The following CFAP47 variants were observed in gnomAD, a reference collection of about 807,000 sequenced individuals.
The protein encoded by CFAP47 is cilia- and flagella-associated protein 47.
CFAP47 carries 29 observed loss-of-function variants against 148.1 expected under a neutral mutation model. The observed-to-expected ratio is 0.20, with a 90% CI of 0.15 to 0.27. The LOEUF is 0.27. Ranked by LOEUF, CFAP47 falls within the 10% of genes least tolerant of loss-of-function variation. The pLI is 1.00. For synonymous variants in CFAP47, 664 were observed against 577.3 expected (o/e 1.15, Z -2.15); for missense variants, 1,872 against 1,697.5 (o/e 1.10, Z -1.81).
At chrX:35,966,822 A>G in intron 9 of CFAP47, 68 bp downstream of exon 9, 1 of 808,035 alleles carries the variant, frequency 1.2e-6, no homozygotes, top group Non-Finnish European at 1.7e-6. Flanking sequence ...ATTTTAATAT[A>G]CTAATTGCTT....
At position 36,180,269 on chromosome X, in the gene CFAP47, A is replaced by G. The variant is rs754882770; in HGVS notation, c.6104+847A>G. On this transcript the variant is annotated intron_variant, in intron 40 of 63. Coordinates refer to ENST00000378653, the MANE Select transcript of CFAP47 (RefSeq NM_001304548.2). Reference sequence around the variant, plus strand: ...GATTTTTAAAAAAATTGATTGTTTTATGTTGCTCCTCTGTTTTACACTATA... The same window carrying G: ...GATTTTTAAAAAAATTGATTGTTTTGTGTTGCTCCTCTGTTTTACACTATA... 4.6e-3 allele frequency among the ~76,000 whole-genome samples: 508 copies of G among 111,451 alleles called. 4 individuals carry two copies. Among genetic ancestry groups the G allele is most frequent in the African/African-American group, 0.015 (461 of 30,772 alleles).
At chrX:36,055,036 TGCTGGGATTACA>T (rs1343337612) in intron 26 of CFAP47, among the ~76,000 whole-genome samples, 1 of 102,588 alleles carries the variant, frequency 9.7e-6, no homozygotes, top group African/African-American at 3.5e-5. Flanking sequence ...CCTCCCAAAG[TGCTGGGATTACA>T]GGTGGGATTA....
intron 32 of CFAP47, among the ~76,000 whole-genome samples, chrX:36,100,162 A>G (rs972066439): frequency 9.0e-6 from 1 of 111,477 alleles, no homozygotes; most frequent in African/African-American, 3.3e-5. Context: ...CCTTTTAAGG[A>G]TGTGACCTGT....
intron 49 of CFAP47, among the ~76,000 whole-genome samples, chrX:36,270,353 A>G (rs1484947287): frequency 2.7e-5 from 3 of 110,613 alleles, no homozygotes; most frequent in Non-Finnish European, 5.7e-5. Context: ...AATTTTAACT[A>G]TTTAAATTTG....
At chrX:36,377,900 G>A (rs113711766) in intron 62 of CFAP47, among the ~76,000 whole-genome samples, 1 of 111,964 alleles carries the variant, frequency 8.9e-6, no homozygotes, top group Non-Finnish European at 1.9e-5. Flanking sequence ...CAACACTAAA[G>A]TAGGGAAAAG....
intron 22 of CFAP47, among the ~76,000 whole-genome samples, chrX:36,017,555 A>T (rs192658908): frequency 1.8e-5 from 2 of 111,525 alleles, no homozygotes; most frequent in African/African-American, 3.3e-5. Context: ...TTTTTATTTT[A>T]TTTTTGTATA....
intron 49 of CFAP47, among the ~76,000 whole-genome samples, chrX:36,253,151 G>C (rs1000908641): frequency 8.9e-6 from 1 of 111,867 alleles, no homozygotes; most frequent in African/African-American, 3.2e-5. Flanking sequence ...GAAAAAATTT[G>C]GAACATATTT....
intron 59 of CFAP47, among the ~76,000 whole-genome samples, chrX:36,351,048 TC>T (rs782515551): frequency 1.8e-5 from 2 of 112,062 alleles, no homozygotes; most frequent in South Asian, 7.3e-4. Flanking sequence ...GAGTTAGACT[TC>T]CACTGATGTA....
chrX:36,023,053 G>A (rs1163171316), intron 22 of CFAP47, among the ~76,000 whole-genome samples: 2 of 111,865 alleles, frequency 1.8e-5, no homozygotes, highest in Non-Finnish European at 3.8e-5. Context: ...GCATTCAAGA[G>A]TTATGTAGTT....
intron 29 of CFAP47, among the ~76,000 whole-genome samples, chrX:36,080,815 G>A (rs1423066356): frequency 2.7e-5 from 3 of 111,283 alleles, no homozygotes; most frequent in Non-Finnish European, 5.7e-5. Flanking sequence ...AGCATTAGGA[G>A]AAATATCTAA....
At chrX:36,192,731 G>T (rs1939879038) in intron 42 of CFAP47, among the ~76,000 whole-genome samples, 1 of 111,604 alleles carries the variant, frequency 9.0e-6, no homozygotes, top group African/African-American at 3.3e-5. Context: ...TTATCTTCTG[G>T]CCTTTTTTGT....
intron 32 of CFAP47, among the ~76,000 whole-genome samples, chrX:36,103,439 G>C: frequency 1.0e-5 from 1 of 96,609 alleles, no homozygotes; most frequent in Admixed American, 1.2e-4. Context: ...CCGTTGCTGG[G>C]GTCATTATCT....
At chrX:36,152,732 C>A (rs59054266) in intron 37 of CFAP47, among the ~76,000 whole-genome samples, 5,683 of 111,299 alleles carry the variant, frequency 0.051, 402 homozygotes, top group African/African-American at 0.17. Context: ...TTAATTGGAA[C>A]CTTGAGCCCT....
chrX:36,367,848 A>G (rs1941893748), intron 62 of CFAP47: 1 of 111,520 alleles, frequency 9.0e-6, no homozygotes, highest in Non-Finnish European at 1.9e-5. Context: ...GAAATTACAT[A>G]ATACGTAGTC....
chrX:36,168,213 C>T (rs1939516802), intron 39 of CFAP47, among the ~76,000 whole-genome samples: 1 of 111,447 alleles, frequency 9.0e-6, no homozygotes, highest in Admixed American at 9.6e-5. Context: ...TTATATGTCA[C>T]TTTTATATTT....
intron 26 of CFAP47, among the ~76,000 whole-genome samples, chrX:36,060,922 G>A (rs1937588784): frequency 9.0e-6 from 1 of 111,411 alleles, no homozygotes; most frequent in Admixed American, 9.6e-5. Flanking sequence ...ATAATAAAAA[G>A]TATGTCCAGT....
intron 21 of CFAP47, among the ~76,000 whole-genome samples, chrX:36,010,870 G>A (rs944235779): frequency 7.2e-5 from 8 of 111,551 alleles, no homozygotes; most frequent in Admixed American, 1.9e-4. Flanking sequence ...TTCTATGAAC[G>A]TATTTAAGAC....
chrX:36,219,286 G>A (rs1420312178), intron 45 of CFAP47, among the ~76,000 whole-genome samples: 2 of 111,480 alleles, frequency 1.8e-5, no homozygotes, highest in African/African-American at 6.5e-5. Context: ...TTGGAATATG[G>A]TATCTTATTG....
At chrX:36,167,628 G>C (rs1255297267) in intron 39 of CFAP47, among the ~76,000 whole-genome samples, 1 of 111,192 alleles carries the variant, frequency 9.0e-6, no homozygotes, top group Non-Finnish European at 1.9e-5. Context: ...CATGTACTGA[G>C]GTGAAGATGT....
Sources: gnomAD v4.1 joint callset for allele counts (sites outside exome capture counted in the v4.1 genomes callset) on GRCh38, gnomAD v4.1.1 for gene constraint, MANE v1.5 for transcripts, NCBI Gene and HGNC (gene_info 2026-07-23, HGNC 2026-07-21) for gene names.